Variants in UACA observed in about 807,000 individuals in gnomAD.
UACA encodes uveal autoantigen with coiled-coil domains and ankyrin repeats, also known as nuclear membrane binding protein.
In UACA, 112 loss-of-function variants were observed where a neutral mutation model predicts 160.5. The observed-to-expected ratio is 0.70, with a 90% CI of 0.60 to 0.82. The LOEUF is 0.82. Among genes scored for constraint, UACA ranks in the 40% least tolerant of loss-of-function variants. UACA has a pLI of 0.00. For missense variants in UACA, 1,574 were observed against 1,614.6 expected (o/e 0.97, Z 0.43); for synonymous variants, 557 against 568.4 (o/e 0.98, Z 0.29).
At chr15:70,762,437 T>C (rs377393882) in intron 1 of UACA, among the ~76,000 whole-genome samples, 1 of 152,250 alleles carries the variant, frequency 6.6e-6, no homozygotes, top group African/African-American at 2.4e-5. Flanking sequence ...GTGGCACTTA[T>C]TTTAATGATA....
intron 1 of UACA, among the ~76,000 whole-genome samples, chr15:70,723,319 T>G (rs1253440096): frequency 6.6e-6 from 1 of 152,206 alleles, no homozygotes; most frequent in African/African-American, 2.4e-5. Flanking sequence ...CACAGTAGAC[T>G]TTGTCTTCAC....
At chr15:70,743,821 ACT>A (rs1566997117) in intron 1 of UACA, among the ~76,000 whole-genome samples, 2 of 152,082 alleles carry the variant, frequency 1.3e-5, no homozygotes, top group African/African-American at 4.8e-5. Context: ...AAAGCAAAAG[ACT>A]CTGAACCAGT....
At chr15:70,754,852 A>G (rs1325719901) in intron 1 of UACA, among the ~76,000 whole-genome samples, 1 of 152,250 alleles carries the variant, frequency 6.6e-6, no homozygotes, top group Non-Finnish European at 1.5e-5. Flanking sequence ...TAAAAGCTAT[A>G]TAAAGCTTTT....
rs951366004 is a variant in UACA at position 70,706,899 on chromosome 15, A to G, written c.79-7239T>C. ...CAATCCAGAGATCAGTGCAATCCCT[A>G]TCAAAATCCCAATGGCATTTTTGCA... On this transcript the variant is annotated intron_variant, in intron 1 of 18. Coordinates refer to ENST00000322954, the MANE Select transcript of UACA (RefSeq NM_018003.4). Among the ~76,000 whole-genome samples, 11 of 152,216 alleles carry G rather than the reference A, an allele frequency of 7.2e-5. 1 individual carries two copies. The highest frequency in any genetic ancestry group is 1.6e-4 in the Non-Finnish European group (11 of 68,018).
chr15:70,721,507 G>C (rs1898992085), intron 1 of UACA, among the ~76,000 whole-genome samples: 1 of 151,892 alleles, frequency 6.6e-6, no homozygotes, highest in African/African-American at 2.4e-5. Context: ...GGAGCCTGTA[G>C]TTCCAGCTAC....
intron 1 of UACA, among the ~76,000 whole-genome samples, chr15:70,747,410 C>T (rs1899744590): frequency 6.6e-6 from 1 of 151,772 alleles, no homozygotes; most frequent in Non-Finnish European, 1.5e-5. Context: ...TGCTCTATCG[C>T]CCAGGCTGGA....
intron 13 of UACA, among the ~76,000 whole-genome samples, chr15:70,674,623 C>T (rs1472801937): frequency 6.6e-6 from 1 of 151,742 alleles, no homozygotes; most frequent in Admixed American, 6.6e-5. Context: ...CCCCTTGAAA[C>T]AGAGTCTCAC....
chr15:70,718,548 T>TA (rs1188827409), intron 1 of UACA, among the ~76,000 whole-genome samples: 1 of 152,144 alleles, frequency 6.6e-6, no homozygotes, highest in African/African-American at 2.4e-5. Flanking sequence ...GCACATATCT[T>TA]ACGAGGCCTG....
At position 70,758,007 on chromosome 15, in the gene UACA, C is replaced by T. The variant is rs140114179; in HGVS notation, c.78+5323G>A. The stretch of plus-strand genomic sequence containing the variant: ...TTTTCCAAACTAAATAAGGCAACTG[C>T]TGAGCAAAGTCTACTTCCTGAACTA... On this transcript the variant is annotated intron_variant, in intron 1 of 18. Coordinates refer to ENST00000322954, the MANE Select transcript of UACA (RefSeq NM_018003.4). Among the ~76,000 whole-genome samples the T allele has an allele frequency of 1.0e-3, 157 of 152,334 alleles. 1 individual carries two copies. Among genetic ancestry groups the T allele is most frequent in the African/African-American group, 3.8e-3 (157 of 41,578 alleles).
intron 1 of UACA, among the ~76,000 whole-genome samples, chr15:70,745,649 G>C (rs1204436046): frequency 6.6e-6 from 1 of 152,088 alleles, no homozygotes; most frequent in Non-Finnish European, 1.5e-5. Context: ...AGCCTGCATT[G>C]CCAAGACAAT....
At chr15:70,678,460 A>G (rs370089738) in intron 10 of UACA, among the ~76,000 whole-genome samples, 12 of 152,304 alleles carry the variant, frequency 7.9e-5, no homozygotes, top group African/African-American at 2.9e-4. Flanking sequence ...TCCTAATTCC[A>G]ATAAAGAAAA....
At chr15:70,693,578 G>A (rs1898016783) in intron 3 of UACA, among the ~76,000 whole-genome samples, 1 of 151,860 alleles carries the variant, frequency 6.6e-6, no homozygotes, top group Admixed American at 6.6e-5. Context: ...AATATAAATA[G>A]CAGCAAAAAC....
intron 13 of UACA, 38 bp downstream of exon 13, chr15:70,676,455 C>A: frequency 7.5e-7 from 1 of 1,339,244 alleles, no homozygotes; most frequent in Non-Finnish European, 1.1e-6. Flanking sequence ...TACCATTACC[C>A]ATTATGAATT....
the UACA span, among the ~76,000 whole-genome samples, chr15:70,770,741 G>A: frequency 3.1e-4 from 47 of 152,228 alleles, no homozygotes; most frequent in East Asian, 2.3e-3. Flanking sequence ...TCAAGACATC[G>A]CATTTTAAGG....
chr15:70,659,983 T>G (rs1896644732), intron 18 of UACA, among the ~76,000 whole-genome samples, 168 bp downstream of exon 18: 1 of 152,138 alleles, frequency 6.6e-6, no homozygotes, highest in Non-Finnish European at 1.5e-5. Flanking sequence ...TTTGTAAATT[T>G]TTCTGGGAGA....
intron 1 of UACA, chr15:70,753,930 C>T (rs1374935326): frequency 4.0e-5 from 13 of 328,152 alleles, no homozygotes; most frequent in Middle Eastern, 1.1e-3. Flanking sequence ...CTCAGCCTCC[C>T]GAGTAGCTGA....
Position 70,657,101 on chromosome 15 carries a change from C to T in UACA, c.4206G>A (p.Glu1402=). ...AQGHMDEDVQ[E]ALLQIIQMRQ... ...GCATTTGTATGATCTGGAGCAGAGC[C>T]TCCTGAACATCTTCATCCATGTGAC... The change falls in exon 19 of 19, where the codon GAG becomes GAA. Residue 1402 remains glutamate (E), a synonymous_variant. Coordinates refer to ENST00000322954, the MANE Select transcript of UACA (RefSeq NM_018003.4). 6.2e-7 allele frequency: 1 copy of T among 1,614,134 alleles called. No individual in the cohort carries two copies. Among genetic ancestry groups the T allele is most frequent in the Admixed American group, 1.7e-5 (1 of 60,024 alleles).
intron 1 of UACA, among the ~76,000 whole-genome samples, chr15:70,700,303 A>ATATATATATATATATATATATATGTG (rs769927428): frequency 7.5e-6 from 1 of 133,986 alleles, no homozygotes; most frequent in East Asian, 2.0e-4. Context: ...GGCAAATTGT[A>ATATATATATATATATATATATATGTG]TATATATATA....
At chr15:70,698,039 G>A (rs528206913) in intron 2 of UACA, among the ~76,000 whole-genome samples, 10 of 152,018 alleles carry the variant, frequency 6.6e-5, no homozygotes, top group Admixed American at 3.9e-4. Context: ...CAACAAGAGC[G>A]AAACTCTGTC....
Sources: gnomAD v4.1 joint callset for allele counts (sites outside exome capture counted in the v4.1 genomes callset) on GRCh38, gnomAD v4.1.1 for gene constraint, MANE v1.5 for transcripts, NCBI Gene and HGNC (gene_info 2026-07-23, HGNC 2026-07-21) for gene names.